Variants in RMDN3 observed in about 807,000 individuals in gnomAD.
RMDN3 encodes regulator of microtubule dynamics protein 3.
Under a neutral mutation model 61.8 loss-of-function variants are expected in RMDN3, and 41 were observed. The observed-to-expected ratio is 0.66, with a 90% CI of 0.52 to 0.86. RMDN3 has a LOEUF of 0.86. Ranked by LOEUF, RMDN3 falls within the 40% of genes least tolerant of loss-of-function variation. The probability of loss-of-function intolerance (pLI) is 0.00; values close to 1 mark genes in which losing one functional copy is unlikely to be tolerated. For missense variants in RMDN3, 557 were observed against 585.3 expected, an observed-to-expected ratio of 0.95 and a Z score of 0.50; for synonymous variants, 247 against 232.0, an observed-to-expected ratio of 1.06 and a Z score of -0.59.
chr15:40,744,725 C>G (rs2141912756), intron 5 of RMDN3, among the ~76,000 whole-genome samples: 1 of 152,172 alleles, frequency 6.6e-6, no homozygotes. Context: ...AAGCAGAGAA[C>G]TACACTCCCC....
chr15:40,750,592 C>T (rs1897779736), intron 4 of RMDN3, among the ~76,000 whole-genome samples: 2 of 152,074 alleles, frequency 1.3e-5, no homozygotes, highest in Non-Finnish European at 2.9e-5. Context: ...CTGGGATTAC[C>T]CATGAGCCAC....
rs764737338 is a variant in RMDN3, at chr15:40,754,726, T to A, written c.58A>T (p.Thr20Ser). 2.5e-6 allele frequency: 4 copies of A among 1,610,758 alleles called. No individual in the cohort carries two copies. In the Admixed American group the frequency reaches 5.0e-5, roughly 20 times the overall value. Reference protein sequence around the residue: ...ARAGLGLLLGTAAGLGFLCLL... With the variant: ...ARAGLGLLLGSAAGLGFLCLL... ...CACAGGAATCCAAGGCCGGCGGCGG[T>A]ACCCAGCAACAGTCCCAGCCCGGCA... Residue 20 changes from threonine (T) to serine (S), a missense_variant, in exon 2 of 13, where the codon ACC (threonine) becomes TCC (serine). By Grantham distance (58) the Thr-to-Ser change is moderately conservative. Transcript: ENST00000338376.
intron 7 of RMDN3, chr15:40,739,028 G>A (rs1897177438): frequency 6.5e-6 from 1 of 153,964 alleles, no homozygotes; most frequent in African/African-American, 2.4e-5. Flanking sequence ...GACTTGGGAA[G>A]CAATTTCTTA....
intron 4 of RMDN3, among the ~76,000 whole-genome samples, chr15:40,750,808 G>C (rs997168518): frequency 6.6e-6 from 1 of 152,198 alleles, no homozygotes; most frequent in African/African-American, 2.4e-5. Flanking sequence ...AGATGGGTCA[G>C]ATGCTGCTAC....
chr15:40,745,244 ATTGGCTGTTG>A lies in RMDN3; in HGVS notation c.530_539del (p.Thr177MetfsTer21). The A allele has an allele frequency of 6.2e-7, 1 of 1,613,662 alleles. No individual in the cohort carries two copies. Among genetic ancestry groups the A allele is most frequent in the Non-Finnish European group, 8.5e-7 (1 of 1,179,932 alleles). On this transcript the variant is annotated frameshift_variant, in exon 5 of 13. Coordinates refer to ENST00000338376, the MANE Select transcript of RMDN3 (RefSeq NM_018145.3). LOFTEE classifies it high-confidence loss of function. ...AGTCCCGCTCATTGTCAGACTCCGC[ATTGGCTGTTG>A]TGTAACTGGCAGAGAAATGTAAGGG...
In RMDN3 at chr15:40,754,631, C is replaced by T. The variant is rs748365367; in HGVS notation, c.153G>A (p.Leu51=). Residue 51 remains leucine (L), a synonymous_variant, in exon 2 of 13, where the codon CTG becomes CTA. Coordinates refer to ENST00000338376, the MANE Select transcript of RMDN3 (RefSeq NM_018145.3). ...HGRSQSLPNS[L]DYTQTSDPGR... ...CGGGATCTGAAGTCTGCGTATAGTC[C>T]AGGGAGTTGGGCAGGCTCTGGCTGC... 1.7e-5 allele frequency: 28 copies of T among 1,614,034 alleles called. No individual in the cohort carries two copies. The highest frequency in any genetic ancestry group is 2.3e-5 in the Non-Finnish European group (27 of 1,179,948).
chr15:40,751,960 G>A, intron 3 of RMDN3, 26 bp downstream of exon 3: 1 of 1,604,844 alleles, frequency 6.2e-7, no homozygotes, highest in South Asian at 1.1e-5. Flanking sequence ...GAGGGATAAA[G>A]CAGGAGAAGA....
intron 2 of RMDN3, among the ~76,000 whole-genome samples, chr15:40,753,867 G>C (rs1037762449): frequency 6.6e-6 from 1 of 152,012 alleles, no homozygotes; most frequent in Non-Finnish European, 1.5e-5. Context: ...AAGTTGTCTT[G>C]ATAGTTGCCA....
chr15:40,738,441 G>T, intron 8 of RMDN3, 60 bp downstream of exon 8: 2 of 1,560,538 alleles, frequency 1.3e-6, no homozygotes, highest in Non-Finnish European at 1.8e-6. Flanking sequence ...CAGGGAGCTG[G>T]AAAGGAGTGG....
chr15:40,744,500 TGG>T (rs61645498), intron 5 of RMDN3, among the ~76,000 whole-genome samples: 193 of 131,450 alleles, frequency 1.5e-3, no homozygotes, highest in African/African-American at 5.3e-3. Flanking sequence ...TTCTAACTTC[TGG>T]GGGGGGGGCA....
At chr15:40,736,689 C>T (rs1205790153) in intron 12 of RMDN3, 95 bp from the exon 13 acceptor site, 1 of 1,039,744 alleles carries the variant, frequency 9.6e-7, no homozygotes, top group Non-Finnish European at 1.5e-6. Flanking sequence ...TGCTTCCTTC[C>T]TGAGCTCTGC....
chr15:40,738,658 G>T (rs1223904033), intron 7 of RMDN3, 82 bp from the exon 8 acceptor site: 15 of 1,351,342 alleles, frequency 1.1e-5, no homozygotes, highest in Non-Finnish European at 1.6e-5. Context: ...CAGCCTAGTT[G>T]CATTGTCCCC....
At chr15:40,750,271 G>A (rs1897764701) in intron 4 of RMDN3, among the ~76,000 whole-genome samples, 1 of 148,320 alleles carries the variant, frequency 6.7e-6, no homozygotes, top group Non-Finnish European at 1.5e-5. Flanking sequence ...ACAGGCTGGA[G>A]TGCAGTGGCG....
chr15:40,737,806 T>G (rs1001735542), intron 9 of RMDN3, 80 bp from the exon 10 acceptor site: 1 of 1,517,714 alleles, frequency 6.6e-7, no homozygotes, highest in African/African-American at 1.4e-5. Context: ...ATATTGAAAA[T>G]AGGGTCAAAC....
chr15:40,749,243 C>T (rs564097801), intron 4 of RMDN3, among the ~76,000 whole-genome samples: 99 of 152,298 alleles, frequency 6.5e-4, no homozygotes, highest in African/African-American at 2.3e-3. Flanking sequence ...GGACCAGGTG[C>T]GGTGGTTCAT....
intron 4 of RMDN3, among the ~76,000 whole-genome samples, chr15:40,750,746 C>T (rs945950437): frequency 5.3e-5 from 8 of 152,236 alleles, no homozygotes; most frequent in Non-Finnish European, 8.8e-5. Flanking sequence ...AAATCGGCCT[C>T]TAGGCCTCAC....
At chr15:40,738,185 G>A (rs1484612756) in intron 8 of RMDN3, 143 bp from the exon 9 acceptor site, 7 of 835,472 alleles carry the variant, frequency 8.4e-6, no homozygotes, top group Admixed American at 6.2e-5. Flanking sequence ...TCAGGAGTTC[G>A]AAACCAGTCC....
At chr15:40,738,663 G>A in intron 7 of RMDN3, 87 bp from the exon 8 acceptor site, 1 of 1,317,026 alleles carries the variant, frequency 7.6e-7, no homozygotes, top group Non-Finnish European at 1.1e-6. Flanking sequence ...TAGTTGCATT[G>A]TCCCCTATCC....
At chr15:40,737,769 G>T (rs571623017) in intron 9 of RMDN3, 43 bp from the exon 10 acceptor site, 31 of 1,584,072 alleles carry the variant, frequency 2.0e-5, no homozygotes, top group Non-Finnish European at 2.4e-5. Context: ...GTTTTAAAAG[G>T]TTTTTTTTCT....
Sources: gnomAD v4.1 joint callset for allele counts (sites outside exome capture counted in the v4.1 genomes callset) on GRCh38, gnomAD v4.1.1 for gene constraint, MANE v1.5 for transcripts, NCBI Gene and HGNC (gene_info 2026-07-23, HGNC 2026-07-21) for gene names.